Variants in ADAM2 observed in about 807,000 individuals in gnomAD.
ADAM2 encodes the protein disintegrin and metalloproteinase domain-containing protein 2.
ADAM2 carries 101 observed loss-of-function variants against 99.3 expected under a neutral mutation model. The observed-to-expected ratio is 1.02, with a 90% confidence interval of 0.87 to 1.20. The LOEUF is 1.20. Ranked by LOEUF, ADAM2 falls within the 50% of genes most tolerant of loss-of-function variation. The pLI is 0.00. For synonymous variants in ADAM2, 323 were observed against 287.6 expected, an observed-to-expected ratio of 1.12 and a Z score of -1.25; for missense variants, 948 against 878.7, an observed-to-expected ratio of 1.08 and a Z score of -1.00.
At chr8:39,782,958 A>G (rs10106478) in intron 10 of ADAM2, among the ~76,000 whole-genome samples, 2,527 of 152,198 alleles carry the variant, frequency 0.017, 52 homozygotes, top group African/African-American at 0.057. Context: ...ATGGAGTTAG[A>G]TCATCTACAT....
At chr8:39,816,052 T>G (rs1039396059) in intron 6 of ADAM2, among the ~76,000 whole-genome samples, 1 of 151,646 alleles carries the variant, frequency 6.6e-6, no homozygotes, top group Non-Finnish European at 1.5e-5. Flanking sequence ...TCCCAGCAGT[T>G]TGGGAGGCTG....
intron 18 of ADAM2, among the ~76,000 whole-genome samples, 187 bp from the exon 19 acceptor site, chr8:39,746,818 TAA>T (rs1474851179): frequency 1.1e-4 from 16 of 152,202 alleles, no homozygotes; most frequent in African/African-American, 3.1e-4. Context: ...TAACTCTTTT[TAA>T]AATGGATAGC....
intron 7 of ADAM2, among the ~76,000 whole-genome samples, chr8:39,805,915 A>C (rs939975133): frequency 6.6e-6 from 1 of 152,182 alleles, no homozygotes; most frequent in Admixed American, 6.5e-5. Context: ...CAACAGCCAA[A>C]ATGGTCTCGA....
At chr8:39,770,976 A>C (rs1159180737) in intron 11 of ADAM2, among the ~76,000 whole-genome samples, 1 of 152,012 alleles carries the variant, frequency 6.6e-6, no homozygotes, top group Non-Finnish European at 1.5e-5. Flanking sequence ...TTTCCTCAAA[A>C]CTCAATCAAT....
chr8:39,833,359 G>T (rs765974065), intron 3 of ADAM2, among the ~76,000 whole-genome samples: 2 of 152,022 alleles, frequency 1.3e-5, no homozygotes, highest in Middle Eastern at 3.2e-3. Flanking sequence ...AATTTCATTT[G>T]CAGGCTTCTG....
At chr8:39,828,662 A>G (rs756843139) in intron 3 of ADAM2, among the ~76,000 whole-genome samples, 2 of 151,920 alleles carry the variant, frequency 1.3e-5, no homozygotes, top group African/African-American at 2.4e-5. Context: ...AATTAAAACT[A>G]TGACATTTGG....
chr8:39,759,161 C>A (rs1462117060), intron 15 of ADAM2, among the ~76,000 whole-genome samples: 1 of 151,932 alleles, frequency 6.6e-6, no homozygotes, highest in Non-Finnish European at 1.5e-5. Context: ...ATGACTTTAT[C>A]AAAACATTTA....
intron 10 of ADAM2, among the ~76,000 whole-genome samples, chr8:39,784,954 C>T (rs1284532968): frequency 2.0e-5 from 3 of 152,074 alleles, no homozygotes; most frequent in African/African-American, 7.2e-5. Flanking sequence ...GGATATTAGG[C>T]CTTTGTCAGA....
At chr8:39,769,368 G>A (rs543209151) in intron 12 of ADAM2, 24 bp downstream of exon 12, 347 of 1,568,326 alleles carry the variant, frequency 2.2e-4, no homozygotes, top group Non-Finnish European at 2.9e-4. Flanking sequence ...ATTTCAGTGC[G>A]TAGTCTTCCG....
At chr8:39,768,303 A>G (rs776504794) in intron 12 of ADAM2, among the ~76,000 whole-genome samples, 1 of 152,212 alleles carries the variant, frequency 6.6e-6, no homozygotes, top group South Asian at 2.1e-4. Context: ...CTCAGGATCT[A>G]TAAACATACT....
chr8:39,789,930 T>A (rs1259721551), intron 7 of ADAM2, among the ~76,000 whole-genome samples: 1 of 151,784 alleles, frequency 6.6e-6, no homozygotes, highest in Non-Finnish European at 1.5e-5. Context: ...AGTACACAAA[T>A]GCAAATATTC....
intron 12 of ADAM2, among the ~76,000 whole-genome samples, chr8:39,767,549 T>C (rs1371466617): frequency 3.3e-5 from 5 of 152,202 alleles, no homozygotes; most frequent in African/African-American, 4.8e-5. Context: ...CTGGCTCTTG[T>C]AGACAGAGAT....
rs1802134662 is a variant in ADAM2 at position 39,755,925 on chromosome 8, A to T, written c.1614-14T>A. On this transcript the variant is annotated splice_polypyrimidine_tract_variant and intron_variant, in intron 15 of 20. Coordinates refer to ENST00000265708, the MANE Select transcript of ADAM2 (RefSeq NM_001464.5). ...CACTGCAGATTGCTATAATTTATCCACAAATAAAAATTATTAATTTTAATT... is the reference window on the plus strand; with the variant it reads ...CACTGCAGATTGCTATAATTTATCCTCAAATAAAAATTATTAATTTTAATT... 2.3e-6 allele frequency: 3 copies of T among 1,320,332 alleles called. No homozygotes were observed. The highest frequency in any genetic ancestry group is 3.2e-6 in the Non-Finnish European group (3 of 950,586). The allele number at this position is 1,320,332 out of a possible 1,614,324, so 81.8% of individuals were successfully genotyped here.
At chr8:39,773,667 T>C (rs1261487750) in intron 11 of ADAM2, among the ~76,000 whole-genome samples, 1 of 151,764 alleles carries the variant, frequency 6.6e-6, no homozygotes, top group Non-Finnish European at 1.5e-5. Context: ...AAAATATTTA[T>C]TAGAAAAGGA....
At chr8:39,785,796 TAAAA>T (rs58429092) in intron 10 of ADAM2, among the ~76,000 whole-genome samples, 2 of 122,494 alleles carry the variant, frequency 1.6e-5, no homozygotes, top group African/African-American at 3.0e-5. Context: ...CTGTCTCAAA[TAAAA>T]AAAAAAAAAA....
chr8:39,765,892 C>T (rs1430598873), intron 14 of ADAM2, among the ~76,000 whole-genome samples: 1 of 149,786 alleles, frequency 6.7e-6, no homozygotes, highest in South Asian at 2.2e-4. Context: ...AAGGTGACCA[C>T]CTATCTGTTT....
intron 3 of ADAM2, among the ~76,000 whole-genome samples, chr8:39,832,866 T>C (rs2129589308): frequency 6.6e-6 from 1 of 152,318 alleles, no homozygotes; most frequent in African/African-American, 2.4e-5. Flanking sequence ...ATGTGATTCA[T>C]CCATTACATC....
intron 12 of ADAM2, among the ~76,000 whole-genome samples, chr8:39,768,303 A>C (rs776504794): frequency 2.0e-5 from 3 of 152,212 alleles, no homozygotes; most frequent in Non-Finnish European, 4.4e-5. Flanking sequence ...CTCAGGATCT[A>C]TAAACATACT....
intron 15 of ADAM2, among the ~76,000 whole-genome samples, chr8:39,760,071 T>C (rs1802290806): frequency 3.3e-5 from 5 of 152,170 alleles, no homozygotes; most frequent in Admixed American, 3.3e-4. Flanking sequence ...TTCACCAGGT[T>C]GGCCAGGCTG....
Sources: allele counts gnomAD v4.1 joint callset (sites outside exome capture counted in the v4.1 genomes callset), GRCh38; gene constraint gnomAD v4.1.1; transcripts MANE v1.5; gene names NCBI Gene and HGNC (gene_info 2026-07-23, HGNC 2026-07-21).